STOX2: variants seen among roughly 807,000 people sequenced by gnomAD.
STOX2 encodes storkhead-box protein 2.
A neutral mutation model predicts 60.9 loss-of-function variants in STOX2; 28 were observed. The ratio of observed to expected loss-of-function variants is 0.46; its 90% CI spans 0.34 to 0.63. The LOEUF is 0.63. Ranked by LOEUF, STOX2 falls within the 30% of genes least tolerant of loss-of-function variation. The probability of loss-of-function intolerance (pLI) is 0.01; values close to 1 mark genes in which losing one functional copy is unlikely to be tolerated. For synonymous variants in STOX2, 472 were observed against 463.9 expected (o/e 1.02, Z -0.22); for missense variants, 1,024 against 1,187.7 (o/e 0.86, Z 2.03).
At chr4:183,824,546 TATAATA>T (rs1384489160) in intron 1 of STOX2, among the ~76,000 whole-genome samples, 2 of 152,134 alleles carry the variant, frequency 1.3e-5, no homozygotes, top group Non-Finnish European at 2.9e-5. Context: ...AAACTTAAAG[TATAATA>T]ATAATAAAAT....
At chr4:184,015,067 C>T (rs990758463) in intron 3 of STOX2, 1 of 152,178 alleles carries the variant, frequency 6.6e-6, no homozygotes, top group Non-Finnish European at 1.5e-5. Context: ...TCCACATTTT[C>T]TACCTTATTA....
Position 183,806,972 on chromosome 4 carries a change from CT to C in STOX2, c.364+8924del, listed in dbSNP as rs1214479080. On this transcript the variant is annotated intron_variant, in intron 1 of 2. Coordinates refer to the STOX2 transcript ENST00000513034. The surrounding 1 kb of genome is among the most constrained non-coding windows in gnomAD (Gnocchi z 4.1). ...AGTCCCAGATGCTTTCTGACACTTT[CT>C]TTTTTTCTTTTTTTTTTGAGACGGA... Among the ~76,000 whole-genome samples, 8 of 5,278 alleles carry C rather than the reference CT, an allele frequency of 1.5e-3. No homozygotes were observed. Among genetic ancestry groups the C allele is most frequent in the Non-Finnish European group, 8.7e-4 (2 of 2,294 alleles). 3.5% of individuals were successfully genotyped at this position (5,278 alleles called of 152,430 possible). A position where few individuals can be genotyped will look rare whatever the true frequency, so the allele number is the denominator to read the frequency against.
intron 1 of STOX2, among the ~76,000 whole-genome samples, chr4:183,859,324 T>C (rs1317517603): frequency 6.6e-6 from 1 of 152,056 alleles, no homozygotes; most frequent in Non-Finnish European, 1.5e-5. Flanking sequence ...GATACAGCCA[T>C]GAAAACAGAC....
chr4:183,825,696 G>T lies in STOX2; in HGVS notation c.364+27641G>T, dbSNP rs1477834429. On this transcript the variant is annotated intron_variant, in intron 1 of 2. Transcript: ENST00000513034. This position sits in a 1 kb window ranked among gnomAD's most constrained non-coding sequence, Gnocchi z 4.1. ...CTGAGGATAGCTTGACAGGACAGGG[G>T]CAACCTAGACCTAGTGGAGCAGGAG... is the stretch of plus-strand genomic sequence containing the variant. 6.6e-6 allele frequency among the ~76,000 whole-genome samples: 1 copy of T among 151,988 alleles called. No individual in the cohort carries two copies. The highest frequency in any genetic ancestry group is 6.6e-5 in the Admixed American group (1 of 15,266).
At chr4:183,843,210 G>A (rs554288552) in intron 1 of STOX2, among the ~76,000 whole-genome samples, 34 of 152,048 alleles carry the variant, frequency 2.2e-4, no homozygotes, top group African/African-American at 8.2e-4. Context: ...AAAATTGCAG[G>A]TGGTATCCCA....
intron 1 of STOX2, among the ~76,000 whole-genome samples, chr4:183,914,658 T>G (rs1402818595): frequency 6.6e-6 from 1 of 152,132 alleles, no homozygotes; most frequent in East Asian, 1.9e-4. Context: ...AACACGAGAA[T>G]AGCTTGGCTT....
chr4:183,894,123 C>G (rs547046625), intron 1 of STOX2, among the ~76,000 whole-genome samples: 1 of 152,148 alleles, frequency 6.6e-6, no homozygotes, highest in African/African-American at 2.4e-5. Flanking sequence ...TGCACTGCAG[C>G]CTGGGCAACA....
intron 1 of STOX2, among the ~76,000 whole-genome samples, chr4:183,841,651 T>C (rs1560840856): frequency 6.6e-6 from 1 of 152,166 alleles, no homozygotes; most frequent in East Asian, 1.9e-4. Flanking sequence ...TTAAAACAAC[T>C]TTTTAGAATA....
At position 184,011,852 on chromosome 4, in the gene STOX2, G is replaced by A. The variant is rs1055339690; in HGVS notation, c.2585+429G>A. ...TAAACTGATTGATGCTAAGATAGGG[G>A]TCCCTGTAGTGAAAATATAATAGCA... On this transcript the variant is annotated intron_variant, in intron 3 of 3. Coordinates refer to ENST00000308497, the MANE Select transcript of STOX2 (RefSeq NM_020225.3). This position sits in a 1 kb window ranked among gnomAD's most constrained non-coding sequence, Gnocchi z 4.4. Among the ~76,000 whole-genome samples the A allele has an allele frequency of 1.3e-5, 2 of 152,170 alleles. No individual in the cohort carries two copies. Among genetic ancestry groups the A allele is most frequent in the African/African-American group, 2.4e-5 (1 of 41,442 alleles).
chr4:183,854,175 G>A (rs544783090), intron 1 of STOX2, among the ~76,000 whole-genome samples: 3 of 152,282 alleles, frequency 2.0e-5, no homozygotes, highest in East Asian at 1.9e-4. Flanking sequence ...AAAGGTCATC[G>A]TCAAACACAT....
intron 1 of STOX2, among the ~76,000 whole-genome samples, chr4:183,893,421 T>C (rs1741272150): frequency 1.3e-5 from 2 of 152,110 alleles, no homozygotes; most frequent in Non-Finnish European, 2.9e-5. Flanking sequence ...CTTAGCTTGG[T>C]GGACTGGACG....
intron 1 of STOX2, among the ~76,000 whole-genome samples, chr4:183,884,869 G>T (rs977803421): frequency 6.6e-6 from 1 of 152,124 alleles, no homozygotes; most frequent in Non-Finnish European, 1.5e-5. Flanking sequence ...CCAGAAGCAG[G>T]ATTTTCCTGA....
At chr4:183,890,612 G>T (rs1741187377) in intron 1 of STOX2, among the ~76,000 whole-genome samples, 1 of 151,148 alleles carries the variant, frequency 6.6e-6, no homozygotes, top group Non-Finnish European at 1.5e-5. Context: ...AAGGAGGCAA[G>T]CAAATAAAAT....
intron 1 of STOX2, among the ~76,000 whole-genome samples, chr4:183,998,784 T>C (rs1313774519): frequency 1.3e-5 from 2 of 152,278 alleles, no homozygotes; most frequent in African/African-American, 4.8e-5. Context: ...TAAAACAATC[T>C]GCCTGCCTTG....
At chr4:183,917,146 A>G (rs1318513302) in intron 1 of STOX2, among the ~76,000 whole-genome samples, 3 of 152,218 alleles carry the variant, frequency 2.0e-5, no homozygotes, top group Non-Finnish European at 4.4e-5. Context: ...ACGGGGACAC[A>G]TGGTCTTGCT....
At chr4:183,909,368 A>G (rs1041516709) in intron 1 of STOX2, among the ~76,000 whole-genome samples, 1 of 152,264 alleles carries the variant, frequency 6.6e-6, no homozygotes, top group Non-Finnish European at 1.5e-5. Flanking sequence ...TATTGAGTAG[A>G]AAATGAAACC....
intron 1 of STOX2, among the ~76,000 whole-genome samples, chr4:183,804,297 T>C (rs190651253): frequency 1.4e-4 from 21 of 152,322 alleles, no homozygotes; most frequent in African/African-American, 4.1e-4. Flanking sequence ...AGAAGCAGTG[T>C]TTTGGATGAC....
intron 1 of STOX2, among the ~76,000 whole-genome samples, chr4:183,819,327 C>G (rs537604455): frequency 0.017 from 2,605 of 151,864 alleles, 79 homozygotes; most frequent in African/African-American, 0.059. Context: ...CAGATCACTC[C>G]CGGTTAGGAG....
At chr4:183,840,484 G>A (rs1388722745) in intron 1 of STOX2, among the ~76,000 whole-genome samples, 1 of 152,184 alleles carries the variant, frequency 6.6e-6, no homozygotes, top group Non-Finnish European at 1.5e-5. Context: ...AGATAAACTG[G>A]TGATGCTTTC....
Sources: allele counts gnomAD v4.1 joint callset (sites outside exome capture counted in the v4.1 genomes callset), GRCh38; gene constraint gnomAD v4.1.1; non-coding constraint Gnocchi (gnomAD v3.1); transcripts MANE v1.5; gene names NCBI Gene and HGNC (gene_info 2026-07-23, HGNC 2026-07-21).